The following MRPS31 variants were observed in gnomAD, a reference collection of about 807,000 sequenced individuals.
MRPS31 encodes the protein small ribosomal subunit protein mS31.
In MRPS31, 32 loss-of-function variants were observed where a neutral mutation model predicts 43.1. The observed-to-expected ratio is 0.74, with a 90% CI of 0.56 to 1.00. The LOEUF (loss-of-function observed/expected upper bound fraction) is 1.00, where lower values mean the gene tolerates loss of function less well. Ranked by LOEUF, MRPS31 falls within the 50% of genes least tolerant of loss-of-function variation. The pLI is 0.00. For synonymous variants in MRPS31, 165 were observed against 161.6 expected, an observed-to-expected ratio of 1.02 and a Z score of -0.16; for missense variants, 437 against 466.7, an observed-to-expected ratio of 0.94 and a Z score of 0.59.
intron 3 of MRPS31, among the ~76,000 whole-genome samples, chr13:40,757,724 G>A (rs1215460376): frequency 4.7e-5 from 7 of 148,632 alleles, no homozygotes; most frequent in African/African-American, 7.4e-5. Flanking sequence ...GATTACAGGC[G>A]TGAGCCAGTG....
intron 6 of MRPS31, among the ~76,000 whole-genome samples, chr13:40,733,552 T>C (rs1439818520): frequency 1.3e-5 from 2 of 152,098 alleles, no homozygotes; most frequent in Non-Finnish European, 2.9e-5. Context: ...ATAACCCTCC[T>C]GAAACTTATG....
intron 6 of MRPS31, among the ~76,000 whole-genome samples, chr13:40,735,558 T>G (rs1264469063): frequency 6.0e-4 from 90 of 149,994 alleles, no homozygotes; most frequent in East Asian, 3.7e-3. Flanking sequence ...AGAGCAGTGG[T>G]TCTCCCAGCA....
intron 6 of MRPS31, among the ~76,000 whole-genome samples, chr13:40,733,842 G>C (rs774062755): frequency 1.3e-5 from 2 of 151,674 alleles, no homozygotes; most frequent in Non-Finnish European, 2.9e-5. Context: ...CATGGTGGTG[G>C]GCGCCTGTAT....
At chr13:40,762,429 A>T (rs1880723334) in intron 2 of MRPS31, among the ~76,000 whole-genome samples, 2 of 150,860 alleles carry the variant, frequency 1.3e-5, no homozygotes, top group Admixed American at 6.6e-5. Context: ...TATTCTTAAA[A>T]ATAGCACCTC....
chr13:40,747,704 C>T lies in MRPS31; in HGVS notation c.958+1434G>A, dbSNP rs953120626. 9.9e-5 allele frequency among the ~76,000 whole-genome samples: 15 copies of T among 152,158 alleles called. No individual in the cohort carries two copies. The South Asian group carries it at 2.1e-3, about 21-fold the overall frequency. ...ACCAGCCTGGCCAACACTGCAAAAC[C>T]CCATCTCTACTAAAAATACAAAAAT... On this transcript the variant is annotated intron_variant, in intron 6 of 6. Coordinates refer to ENST00000323563, the MANE Select transcript of MRPS31 (RefSeq NM_005830.4).
intron 1 of MRPS31, among the ~76,000 whole-genome samples, chr13:40,770,104 C>T (rs1388032738): frequency 1.3e-5 from 2 of 152,212 alleles, no homozygotes; most frequent in Admixed American, 1.3e-4. Flanking sequence ...CCCTAATACT[C>T]CAACGCAGCC....
intron 6 of MRPS31, among the ~76,000 whole-genome samples, chr13:40,736,952 G>C (rs1159454488): frequency 6.6e-6 from 1 of 150,800 alleles, no homozygotes; most frequent in Admixed American, 6.6e-5. Context: ...AAATGTAAAT[G>C]GACTAAATGC....
chr13:40,740,702 C>T (rs1264131180), intron 6 of MRPS31, among the ~76,000 whole-genome samples: 3 of 141,092 alleles, frequency 2.1e-5, no homozygotes, highest in Non-Finnish European at 3.0e-5. Context: ...AACCAAACAC[C>T]GCATATTCTC....
At position 40,754,005 on chromosome 13, in the gene MRPS31, T is replaced by A. The variant is rs375528108; in HGVS notation, c.814+14A>T. 232 of 1,521,572 alleles carry A rather than the reference T, an allele frequency of 1.5e-4. No individual in the cohort carries two copies. The highest frequency in any genetic ancestry group is 2.0e-4 in the Non-Finnish European group (225 of 1,101,834). The allele number at this position is 1,521,572 out of a possible 1,614,324, so 94.3% of individuals were successfully genotyped here. A position where few individuals can be genotyped will look rare whatever the true frequency, so the allele number is the denominator to read the frequency against. On this transcript the variant is annotated intron_variant, in intron 5 of 6. Transcript: ENST00000323563. ...TGTTTCTCCACCTGAGAAAGAGTGT[T>A]ATTCTTAACAAACCTGTTTCAGGTG...
chr13:40,748,355 C>T (rs965752714), intron 6 of MRPS31, among the ~76,000 whole-genome samples: 1 of 152,214 alleles, frequency 6.6e-6, no homozygotes, highest in African/African-American at 2.4e-5. Flanking sequence ...CGGTGTTTCA[C>T]CATGTTGGTC....
At chr13:40,770,392 T>G (rs535884641) in intron 1 of MRPS31, among the ~76,000 whole-genome samples, 1 of 152,368 alleles carries the variant, frequency 6.6e-6, no homozygotes, top group African/African-American at 2.4e-5. Flanking sequence ...CTTCAACCAG[T>G]GGTCCTCCTT....
intron 6 of MRPS31, among the ~76,000 whole-genome samples, chr13:40,744,186 C>T (rs1344504794): frequency 6.6e-6 from 1 of 152,164 alleles, no homozygotes; most frequent in African/African-American, 2.4e-5. Context: ...ATGACAGACA[C>T]TGGGGCCTAT....
At chr13:40,745,752 C>T (rs981506768) in intron 6 of MRPS31, among the ~76,000 whole-genome samples, 1 of 151,404 alleles carries the variant, frequency 6.6e-6, no homozygotes, top group African/African-American at 2.4e-5. Context: ...AAGAAGCCAA[C>T]CCCCCAACAA....
chr13:40,764,195 C>T (rs990523866), intron 2 of MRPS31, among the ~76,000 whole-genome samples: 2 of 152,154 alleles, frequency 1.3e-5, no homozygotes, highest in African/African-American at 4.8e-5. Flanking sequence ...CCGTGGGATA[C>T]AGGCATTGTT....
At chr13:40,732,818 A>G (rs1879739618) in intron 6 of MRPS31, among the ~76,000 whole-genome samples, 2 of 152,094 alleles carry the variant, frequency 1.3e-5, no homozygotes, top group Non-Finnish European at 2.9e-5. Context: ...AGGCATGAGC[A>G]TATGTTTAAA....
At chr13:40,761,494 A>G (rs952547565) in intron 2 of MRPS31, among the ~76,000 whole-genome samples, 1 of 152,160 alleles carries the variant, frequency 6.6e-6, no homozygotes, top group Admixed American at 6.5e-5. Flanking sequence ...ATGGTTTCCT[A>G]TGTAGTTATA....
intron 5 of MRPS31, among the ~76,000 whole-genome samples, chr13:40,751,829 T>C (rs1273138371): frequency 1.3e-5 from 2 of 152,212 alleles, no homozygotes; most frequent in African/African-American, 4.8e-5. Context: ...TTGTGTGCTA[T>C]TTTCCTAACT....
chr13:40,750,742 T>TATATATATATA (rs1880363419), intron 5 of MRPS31, among the ~76,000 whole-genome samples: 1 of 130,850 alleles, frequency 7.6e-6, no homozygotes, highest in East Asian at 2.2e-4. Context: ...GTATCCCATT[T>TATATATATATA]TATATATATA....
At chr13:40,744,563 ATTAT>A (rs1336776188) in intron 6 of MRPS31, among the ~76,000 whole-genome samples, 4 of 152,016 alleles carry the variant, frequency 2.6e-5, no homozygotes, top group African/African-American at 7.2e-5. Flanking sequence ...TTTTCTTTTT[ATTAT>A]TTATTTATTT....
Sources: gnomAD v4.1 joint callset for allele counts (sites outside exome capture counted in the v4.1 genomes callset) on GRCh38, gnomAD v4.1.1 for gene constraint, MANE v1.5 for transcripts, NCBI Gene and HGNC (gene_info 2026-07-23, HGNC 2026-07-21) for gene names.